HPSE2: variants seen among roughly 807,000 people sequenced by gnomAD.
The protein encoded by HPSE2 is inactive heparanase-2.
In HPSE2, 38 loss-of-function variants were observed where a neutral mutation model predicts 60.5. The observed-to-expected ratio is 0.63, with a 90% CI of 0.48 to 0.82. The LOEUF (loss-of-function observed/expected upper bound fraction) is 0.82. HPSE2 is among the 40% of genes least tolerant of loss of function. The pLI is 0.00. For missense variants in HPSE2, 713 were observed against 740.4 expected (o/e 0.96, Z 0.43); for synonymous variants, 295 against 293.2 (o/e 1.01, Z -0.06).
chr10:99,106,821 T>C (rs1358608234), intron 3 of HPSE2, among the ~76,000 whole-genome samples: 1 of 152,146 alleles, frequency 6.6e-6, no homozygotes. Flanking sequence ...AAAGTTAAAG[T>C]TAGCATTCTA....
At chr10:98,710,563 A>G (rs1237408598) in intron 5 of HPSE2, among the ~76,000 whole-genome samples, 1 of 152,182 alleles carries the variant, frequency 6.6e-6, no homozygotes, top group Non-Finnish European at 1.5e-5. Context: ...TTTAAGGAGA[A>G]TCCTGAATGA....
At chr10:99,254,770 G>T in the HPSE2 span, among the ~76,000 whole-genome samples, 1 of 152,084 alleles carries the variant, frequency 6.6e-6, no homozygotes, top group Non-Finnish European at 1.5e-5. Flanking sequence ...ACTACAGTGT[G>T]GATGAGCTTT....
upstream of HPSE2, chr10:99,235,904 T>C (rs1231773941): frequency 2.0e-5 from 19 of 938,180 alleles, no homozygotes; most frequent in East Asian, 2.6e-5. Context: ...CCCCTTTTTT[T>C]CCCTTCCTCC....
chr10:98,750,056 T>C (rs1433838732), intron 3 of HPSE2, among the ~76,000 whole-genome samples: 4 of 150,146 alleles, frequency 2.7e-5, no homozygotes, highest in Non-Finnish European at 4.4e-5. Flanking sequence ...TAAAGCAGGG[T>C]AGGAGATAGT....
chr10:98,673,887 T>G (rs1406897214), intron 6 of HPSE2, among the ~76,000 whole-genome samples: 1 of 152,196 alleles, frequency 6.6e-6, no homozygotes, highest in East Asian at 1.9e-4. Flanking sequence ...ACTTACCCCA[T>G]GGAGGAAGAT....
At chr10:99,068,782 G>A (rs985361386) in intron 3 of HPSE2, among the ~76,000 whole-genome samples, 30 of 152,036 alleles carry the variant, frequency 2.0e-4, no homozygotes, top group African/African-American at 7.3e-4. Flanking sequence ...GAATGAAAGA[G>A]GGCACATCAC....
In HPSE2 at chr10:99,055,083, C is replaced by G. The variant is rs546294935; in HGVS notation, c.610+89155G>C. On this transcript the variant is annotated intron_variant, in intron 3 of 11. Coordinates refer to ENST00000370552, the MANE Select transcript of HPSE2 (RefSeq NM_021828.5). Reference sequence around the variant, plus strand: ...TCACCAGATACATAAGAAACATATACCAGCTATATATGGAAAATGTTATCC... The same window carrying G: ...TCACCAGATACATAAGAAACATATAGCAGCTATATATGGAAAATGTTATCC... Among the ~76,000 whole-genome samples, 545 of 152,052 alleles carry G rather than the reference C, an allele frequency of 3.6e-3. 1 individual carries two copies. Among genetic ancestry groups the G allele is most frequent in the African/African-American group, 0.012 (486 of 41,466 alleles).
At chr10:98,727,788 T>C (rs1949127178) in intron 4 of HPSE2, among the ~76,000 whole-genome samples, 1 of 151,988 alleles carries the variant, frequency 6.6e-6, no homozygotes, top group South Asian at 2.1e-4. Context: ...AACAGTCAAA[T>C]AAAATTATTG....
At chr10:99,034,986 G>A (rs536181509) in intron 3 of HPSE2, among the ~76,000 whole-genome samples, 1 of 152,264 alleles carries the variant, frequency 6.6e-6, no homozygotes, top group East Asian at 1.9e-4. Context: ...CCCTGAGTGT[G>A]TCAGTGAGTG....
intron 9 of HPSE2, among the ~76,000 whole-genome samples, chr10:98,591,275 G>A (rs939951927): frequency 2.0e-5 from 3 of 152,194 alleles, no homozygotes; most frequent in Non-Finnish European, 2.9e-5. Flanking sequence ...GGAGCACCAC[G>A]TAAATGGCAG....
intron 3 of HPSE2, among the ~76,000 whole-genome samples, chr10:99,096,782 G>T (rs549767326): frequency 1.1e-4 from 16 of 152,188 alleles, no homozygotes; most frequent in African/African-American, 2.6e-4. Context: ...AGGAAAGAAT[G>T]AGAAGGTAAC....
intron 3 of HPSE2, among the ~76,000 whole-genome samples, chr10:98,789,088 C>T (rs945894686): frequency 7.9e-5 from 12 of 152,206 alleles, no homozygotes; most frequent in African/African-American, 2.9e-4. Flanking sequence ...AGAATGTAAG[C>T]TCCATGAGGA....
chr10:98,656,198 T>G (rs1193159934), intron 6 of HPSE2, among the ~76,000 whole-genome samples: 1 of 152,024 alleles, frequency 6.6e-6, no homozygotes, highest in East Asian at 1.9e-4. Context: ...GCGATTTTCC[T>G]TCCTCACCTC....
At chr10:98,998,013 G>A (rs1172550318) in intron 3 of HPSE2, among the ~76,000 whole-genome samples, 1 of 152,186 alleles carries the variant, frequency 6.6e-6, no homozygotes, top group Non-Finnish European at 1.5e-5. Flanking sequence ...CCTTCCATTG[G>A]TGGCATTTCT....
At chr10:98,594,209 G>C (rs1476667808) in intron 9 of HPSE2, among the ~76,000 whole-genome samples, 1 of 151,908 alleles carries the variant, frequency 6.6e-6, no homozygotes, top group Non-Finnish European at 1.5e-5. Context: ...TTATTAACTA[G>C]AGCTGCCACA....
At chr10:98,530,623 A>C (rs192309101) in intron 9 of HPSE2, among the ~76,000 whole-genome samples, 55 of 152,332 alleles carry the variant, frequency 3.6e-4, no homozygotes, top group African/African-American at 1.3e-3. Context: ...AGCTCCTGGC[A>C]GTCTCTGCAT....
upstream of HPSE2, among the ~76,000 whole-genome samples, chr10:99,236,114 G>A (rs1200437124): frequency 2.7e-5 from 4 of 149,652 alleles, no homozygotes; most frequent in Non-Finnish European, 4.4e-5. Context: ...CTCGTACACC[G>A]GCACCGCCCC....
At chr10:98,564,388 G>A (rs1944278747) in intron 9 of HPSE2, among the ~76,000 whole-genome samples, 1 of 152,212 alleles carries the variant, frequency 6.6e-6, no homozygotes, top group African/African-American at 2.4e-5. Flanking sequence ...AGGATGAAGT[G>A]TGGTAGTATT....
intron 9 of HPSE2, among the ~76,000 whole-genome samples, chr10:98,494,389 A>G (rs1941762071): frequency 6.6e-6 from 1 of 152,242 alleles, no homozygotes. Context: ...GGAAGGAGGA[A>G]GTAACTTGTG....
Sources: gnomAD v4.1 joint callset for allele counts (sites outside exome capture counted in the v4.1 genomes callset) on GRCh38, gnomAD v4.1.1 for gene constraint, MANE v1.5 for transcripts, NCBI Gene and HGNC (gene_info 2026-07-23, HGNC 2026-07-21) for gene names.